The following KIF21A variants were observed in gnomAD, a reference collection of about 807,000 sequenced individuals.
KIF21A encodes the protein kinesin family member 21A.
KIF21A carries 114 observed loss-of-function variants against 202.9 expected under a neutral mutation model. That is an observed-to-expected ratio of 0.56 (90% CI 0.48 to 0.66). The LOEUF (loss-of-function observed/expected upper bound fraction) is 0.66. Ranked by LOEUF, KIF21A falls within the 30% of genes least tolerant of loss-of-function variation. The pLI, the probability that KIF21A is intolerant of heterozygous loss-of-function variation, is 0.00. For missense variants in KIF21A, 1,677 were observed against 1,994.9 expected, an observed-to-expected ratio of 0.84 and a Z score of 3.04; for synonymous variants, 667 against 670.8, an observed-to-expected ratio of 0.99 and a Z score of 0.09.
intron 1 of KIF21A, among the ~76,000 whole-genome samples, chr12:39,419,973 AGTTCTGGGAAAATCTGATGT>A (rs1954109596): frequency 1.3e-5 from 2 of 150,352 alleles, no homozygotes; most frequent in South Asian, 4.3e-4. Context: ...GAGAGGTGAG[AGTTCTGGGAAAATCTGATGT>A]GTCCTCTGGA....
At chr12:39,309,425 A>T (rs1273837196) in intron 33 of KIF21A, among the ~76,000 whole-genome samples, 161 bp downstream of exon 33, 1 of 151,406 alleles carries the variant, frequency 6.6e-6, no homozygotes. Flanking sequence ...CCCCCCTCTT[A>T]TCTGTGCTTT....
At chr12:39,423,663 A>T (rs565207837) in intron 1 of KIF21A, among the ~76,000 whole-genome samples, 1 of 152,092 alleles carries the variant, frequency 6.6e-6, no homozygotes, top group African/African-American at 2.4e-5. Flanking sequence ...AGCCTGACCA[A>T]CATGGAGAAA....
chr12:39,319,297 C>A (rs1178870672), intron 28 of KIF21A, among the ~76,000 whole-genome samples: 2 of 152,176 alleles, frequency 1.3e-5, no homozygotes, highest in Admixed American at 6.5e-5. Flanking sequence ...CTAATCCAAT[C>A]AACTTCTGCA....
chr12:39,309,861 T>C (rs753954262), intron 32 of KIF21A, 95 bp from the exon 33 acceptor site: 24 of 1,089,542 alleles, frequency 2.2e-5, no homozygotes, highest in Non-Finnish European at 2.7e-5. Flanking sequence ...TTCTCTTCTA[T>C]GGGAAGGAAA....
intron 1 of KIF21A, among the ~76,000 whole-genome samples, chr12:39,427,378 AC>A (rs1320892887): frequency 2.0e-5 from 3 of 152,116 alleles, no homozygotes; most frequent in African/African-American, 7.2e-5. Flanking sequence ...CCTGTAATAT[AC>A]TCAACAGTAG....
At chr12:39,395,327 T>C (rs1168945563) in intron 1 of KIF21A, among the ~76,000 whole-genome samples, 1 of 152,190 alleles carries the variant, frequency 6.6e-6, no homozygotes, top group Non-Finnish European at 1.5e-5. Context: ...TGCTCTAGAA[T>C]TGTTCTATCC....
intron 1 of KIF21A, among the ~76,000 whole-genome samples, chr12:39,390,902 C>T (rs1951299325): frequency 6.6e-6 from 1 of 152,054 alleles, no homozygotes; most frequent in African/African-American, 2.4e-5. Flanking sequence ...CAGTTAAGTG[C>T]CAGAGAGAGC....
chr12:39,423,419 A>G (rs557025408), intron 1 of KIF21A, among the ~76,000 whole-genome samples: 1 of 152,038 alleles, frequency 6.6e-6, no homozygotes, highest in Non-Finnish European at 1.5e-5. Context: ...ACTGATCTCA[A>G]GATCCACAGT....
chr12:39,413,442 G>A (rs1389963546), intron 1 of KIF21A, among the ~76,000 whole-genome samples: 1 of 152,098 alleles, frequency 6.6e-6, no homozygotes, highest in Non-Finnish European at 1.5e-5. Flanking sequence ...ACTTAAAAGA[G>A]GTTCCTTGGG....
chr12:39,302,453 C>T (rs1943054352), intron 36 of KIF21A, among the ~76,000 whole-genome samples: 1 of 151,978 alleles, frequency 6.6e-6, no homozygotes, highest in Non-Finnish European at 1.5e-5. Context: ...ATTTCTTTTC[C>T]AGGGAATTAG....
At chr12:39,354,979 C>A (rs1948654013) in intron 10 of KIF21A, among the ~76,000 whole-genome samples, 3 of 152,160 alleles carry the variant, frequency 2.0e-5, no homozygotes, top group South Asian at 4.1e-4. Context: ...AAATTTCAAT[C>A]CAGGTAATCC....
At chr12:39,423,852 C>T (rs983232406) in intron 1 of KIF21A, among the ~76,000 whole-genome samples, 14 of 151,728 alleles carry the variant, frequency 9.2e-5, no homozygotes, top group African/African-American at 2.4e-4. Context: ...GGCATGGTGG[C>T]GCATGCCTGT....
intron 1 of KIF21A, among the ~76,000 whole-genome samples, chr12:39,384,576 T>A (rs1374865730): frequency 6.6e-6 from 1 of 152,190 alleles, no homozygotes; most frequent in Non-Finnish European, 1.5e-5. Flanking sequence ...AATATAGGTA[T>A]ATAGGGCTTT....
intron 3 of KIF21A, among the ~76,000 whole-genome samples, chr12:39,368,796 T>C (rs775591003): frequency 6.6e-6 from 1 of 152,006 alleles, no homozygotes; most frequent in Non-Finnish European, 1.5e-5. Context: ...TGAGGAAAAT[T>C]TTCATCAATG....
intron 1 of KIF21A, among the ~76,000 whole-genome samples, chr12:39,420,328 A>G (rs1168518839): frequency 2.0e-5 from 3 of 152,128 alleles, no homozygotes; most frequent in African/African-American, 7.2e-5. Context: ...GGGATTCCCA[A>G]GAGGTCAGAC....
At chr12:39,425,057 G>A (rs535000568) in intron 1 of KIF21A, among the ~76,000 whole-genome samples, 27 of 151,940 alleles carry the variant, frequency 1.8e-4, no homozygotes, top group Non-Finnish European at 3.7e-4. Flanking sequence ...CCACTAACAG[G>A]CCAGTTTATT....
intron 6 of KIF21A, among the ~76,000 whole-genome samples, chr12:39,364,422 T>A (rs1391535001): frequency 1.3e-5 from 2 of 152,132 alleles, no homozygotes; most frequent in African/African-American, 4.8e-5. Context: ...ACCACCATGA[T>A]TATATCTCCT....
Position 39,442,236 on chromosome 12 carries a change from T to G in KIF21A, c.44+691A>C, listed in dbSNP as rs1939742061. On this transcript the variant is annotated intron_variant, in intron 1 of 37. Transcript: ENST00000361418. The surrounding 1 kb of genome is among the most constrained non-coding windows in gnomAD (Gnocchi z 5.0). ...ACAGTCACCCATTTCACCCTTCCTC[T>G]GGCTAAAGAGTTTTCCTCCTTCTGT... is the stretch of plus-strand genomic sequence containing the variant. Among the ~76,000 whole-genome samples, 2 of 152,180 alleles carry G rather than the reference T, an allele frequency of 1.3e-5. No individual in the cohort carries two copies. Among genetic ancestry groups the G allele is most frequent in the Admixed American group, 1.3e-4 (2 of 15,282 alleles).
At chr12:39,379,462 T>C (rs763286596) in intron 1 of KIF21A, among the ~76,000 whole-genome samples, 9 of 152,112 alleles carry the variant, frequency 5.9e-5, no homozygotes, top group Non-Finnish European at 1.2e-4. Flanking sequence ...TGAAAGATGC[T>C]ACCAAAAGGC....
Sources: allele counts gnomAD v4.1 joint callset (sites outside exome capture counted in the v4.1 genomes callset), GRCh38; gene constraint gnomAD v4.1.1; non-coding constraint Gnocchi (gnomAD v3.1); transcripts MANE v1.5; gene names NCBI Gene and HGNC (gene_info 2026-07-23, HGNC 2026-07-21).